ODR4: variants seen among roughly 807,000 people sequenced by gnomAD.
ODR4 encodes the protein protein odr-4 homolog.
A neutral mutation model predicts 60.2 loss-of-function variants in ODR4; 47 were observed. The observed-to-expected ratio is 0.78, with a 90% CI of 0.62 to 1.00. The LOEUF (loss-of-function observed/expected upper bound fraction) is 1.00. Among genes scored for constraint, ODR4 ranks in the 50% least tolerant of loss-of-function variants. The pLI, the probability that ODR4 is intolerant of heterozygous loss-of-function variation, is 0.00. For missense variants in ODR4, 488 were observed against 530.8 expected, an observed-to-expected ratio of 0.92 and a Z score of 0.79; for synonymous variants, 178 against 175.5, an observed-to-expected ratio of 1.01 and a Z score of -0.11.
At position 186,379,887 on chromosome 1, in the gene ODR4, A is replaced by G. The variant is rs754503383; in HGVS notation, c.99+3A>G. 15 of 1,526,222 alleles carry G rather than the reference A, an allele frequency of 9.8e-6. No homozygotes were observed. The highest frequency in any genetic ancestry group is 5.4e-6 in the Non-Finnish European group (6 of 1,121,302). The allele number at this position is 1,526,222 out of a possible 1,614,324, so 94.5% of individuals were successfully genotyped here. A position where few individuals can be genotyped will look rare whatever the true frequency, so the allele number is the denominator to read the frequency against. ...TCTCTGGCCTTTTAATAGGACAGGT[A>G]TGTATCTTTTACTCTGCATTTATAA... On this transcript the variant is annotated splice_donor_region_variant and intron_variant, in intron 2 of 13. Transcript: ENST00000287859.
At chr1:186,388,382 C>T (rs1364716021) in intron 4 of ODR4, 60 bp from the exon 5 acceptor site, 2 of 975,258 alleles carry the variant, frequency 2.1e-6, no homozygotes, top group Non-Finnish European at 3.0e-6. Context: ...TTGCCTATTT[C>T]AACACTCATC....
At chr1:186,414,432 C>A (rs928512262) in intron 12 of ODR4, among the ~76,000 whole-genome samples, 1 of 151,522 alleles carries the variant, frequency 6.6e-6, no homozygotes, top group African/African-American at 2.4e-5. Context: ...TTTCCTATAG[C>A]AAACAGGTAT....
chr1:186,430,315 C>T, the ODR4 span, among the ~76,000 whole-genome samples: 1 of 151,950 alleles, frequency 6.6e-6, no homozygotes, highest in Non-Finnish European at 1.5e-5. Context: ...CTTCTGATCC[C>T]AGAAGAGCAC....
the ODR4 span, among the ~76,000 whole-genome samples, chr1:186,432,418 C>T: frequency 1.3e-5 from 2 of 152,072 alleles, no homozygotes; most frequent in Non-Finnish European, 2.9e-5. Context: ...AATTATTCTC[C>T]TTTTCTGTTC....
intron 11 of ODR4, among the ~76,000 whole-genome samples, chr1:186,402,962 C>T (rs995023321): frequency 6.6e-6 from 1 of 152,126 alleles, no homozygotes; most frequent in Non-Finnish European, 1.5e-5. Flanking sequence ...GTTTGTAAGG[C>T]CCCTAATAAA....
intron 12 of ODR4, among the ~76,000 whole-genome samples, chr1:186,410,925 G>A (rs924994963): frequency 6.6e-6 from 1 of 151,774 alleles, no homozygotes; most frequent in African/African-American, 2.4e-5. Context: ...GGAGGCAGGT[G>A]AATCACTTGA....
intron 3 of ODR4, 70 bp from the exon 4 acceptor site, chr1:186,385,918 A>G: frequency 1.1e-6 from 1 of 924,522 alleles, no homozygotes; most frequent in Non-Finnish European, 1.7e-6. Context: ...TGCTAAGCAG[A>G]CAGTTTCTCA....
At chr1:186,412,123 T>C (rs1477386430) in intron 12 of ODR4, among the ~76,000 whole-genome samples, 1 of 152,188 alleles carries the variant, frequency 6.6e-6, no homozygotes, top group African/African-American at 2.4e-5. Flanking sequence ...AGATAAAATA[T>C]GTAGTCCTGA....
At chr1:186,379,973 C>A (rs916891795) in intron 2 of ODR4, 89 bp downstream of exon 2, 4 of 744,286 alleles carry the variant, frequency 5.4e-6, no homozygotes, top group South Asian at 2.7e-5. Context: ...TTAAAAGATG[C>A]TATTTAATAA....
chr1:186,386,040 C>G lies in ODR4; in HGVS notation c.287C>G (p.Thr96Ser), dbSNP rs1270516369. 1 of 1,605,702 alleles carries G rather than the reference C, an allele frequency of 6.2e-7. No homozygotes were observed. ...TTAGTTCTTGGAGTATTTATTATTA[C>G]TACTTTAGAACTGGCAAATGATTTT... ...GLLVLGVFII[T>S]TLELANDFQN... is the part of the protein sequence containing the mutation. Residue 96 changes from threonine to serine, a missense_variant, in exon 4 of 14, where the codon ACT becomes AGT. Transcript: ENST00000287859.
chr1:186,382,346 G>GC (rs1660070294), intron 2 of ODR4, among the ~76,000 whole-genome samples: 1 of 151,634 alleles, frequency 6.6e-6, no homozygotes, highest in African/African-American at 2.4e-5. Context: ...GATTGCTTGA[G>GC]CCCAGGAGTG....
intron 13 of ODR4, 58 bp from the exon 14 acceptor site, chr1:186,418,951 T>G: frequency 6.9e-7 from 1 of 1,451,822 alleles, no homozygotes; most frequent in South Asian, 1.2e-5. Flanking sequence ...CTAGGATTAG[T>G]TTGGCCTTTC....
chr1:186,386,026 A>G lies in ODR4; in HGVS notation c.273A>G (p.Gly91=), dbSNP rs1660236893. 2 of 1,605,956 alleles carry G rather than the reference A, an allele frequency of 1.2e-6. No homozygotes were observed. The highest frequency in any genetic ancestry group is 1.3e-5 in the African/African-American group (1 of 74,694). The change falls in exon 4 of 14, where the codon GGA becomes GGG. Residue 91 remains glycine (G), a synonymous_variant. Transcript: ENST00000287859. ...RMLPGGLLVL[G]VFIITTLELA... is the part of the protein sequence containing the mutation. ...TACCAGGGGGACTTTTAGTTCTTGG[A>G]GTATTTATTATTACTACTTTAGAAC... is the stretch of plus-strand genomic sequence containing the variant.
At chr1:186,415,877 A>ATCTTT in intron 12 of ODR4, among the ~76,000 whole-genome samples, 1 of 152,348 alleles carries the variant, frequency 6.6e-6, no homozygotes, top group South Asian at 2.1e-4. Context: ...TGATGGTCGA[A>ATCTTT]ATGCACTTTA....
downstream of ODR4, among the ~76,000 whole-genome samples, chr1:186,425,710 G>T (rs1360201623): frequency 1.3e-5 from 2 of 152,126 alleles, no homozygotes; most frequent in South Asian, 2.1e-4. Flanking sequence ...GGTCTATGAG[G>T]CACTGGCTTA....
At chr1:186,394,893 T>G (rs1221803445) in intron 9 of ODR4, among the ~76,000 whole-genome samples, 2 of 152,230 alleles carry the variant, frequency 1.3e-5, no homozygotes, top group Non-Finnish European at 2.9e-5. Context: ...TGTCTTGATT[T>G]TAGAAGTGTC....
chr1:186,423,616 G>A (rs6694420), downstream of ODR4, among the ~76,000 whole-genome samples: 3,400 of 151,418 alleles, frequency 0.022, 146 homozygotes, highest in African/African-American at 0.077. Flanking sequence ...CACCACGCCC[G>A]GCTAATTTTT....
chr1:186,407,723 C>T (rs1215715226), intron 12 of ODR4, among the ~76,000 whole-genome samples: 1 of 152,110 alleles, frequency 6.6e-6, no homozygotes, highest in African/African-American at 2.4e-5. Context: ...ATGTTCTAAA[C>T]ATTTCAAAGC....
rs116546202 is a variant in ODR4, at chr1:186,401,809, A to T, written c.1000+2765A>T. Among the ~76,000 whole-genome samples, 720 of 148,810 alleles carry T rather than the reference A, an allele frequency of 4.8e-3. 6 individuals are homozygous for T. The highest frequency in any genetic ancestry group is 0.017 in the African/African-American group (686 of 39,466). ...GTCTATGTTCATCAGGGATATTGTC[A>T]TGTAGTTTTCTTTTTTTGTGTCTTT... On this transcript the variant is annotated intron_variant, in intron 11 of 13. Coordinates refer to ENST00000287859, the MANE Select transcript of ODR4 (RefSeq NM_017847.6).
Sources: gnomAD v4.1 joint callset for allele counts (sites outside exome capture counted in the v4.1 genomes callset) on GRCh38, gnomAD v4.1.1 for gene constraint, MANE v1.5 for transcripts, NCBI Gene and HGNC (gene_info 2026-07-23, HGNC 2026-07-21) for gene names.